The following TAF4B variants were observed in gnomAD, a reference collection of about 807,000 sequenced individuals.
TAF4B encodes TATA-box binding protein associated factor 4b.
TAF4B carries 38 observed loss-of-function variants against 86.4 expected under a neutral mutation model. The observed-to-expected ratio is 0.44, with a 90% CI of 0.34 to 0.58. The LOEUF (loss-of-function observed/expected upper bound fraction) is 0.58, where lower values mean the gene tolerates loss of function less well. Ranked by LOEUF, TAF4B falls within the 20% of genes least tolerant of loss-of-function variation. TAF4B has a pLI of 0.02. For missense variants in TAF4B, 988 were observed against 1,027.6 expected, an observed-to-expected ratio of 0.96 and a Z score of 0.53; for synonymous variants, 388 against 391.2, an observed-to-expected ratio of 0.99 and a Z score of 0.10.
intron 9 of TAF4B, among the ~76,000 whole-genome samples, chr18:26,306,215 A>G (rs1349140365): frequency 2.6e-5 from 4 of 152,002 alleles, no homozygotes; most frequent in Admixed American, 2.0e-4. Context: ...ATAGGCGTAT[A>G]TTTATGGGTT....
At chr18:26,353,337 C>A (rs1255638143) in intron 13 of TAF4B, among the ~76,000 whole-genome samples, 1 of 152,216 alleles carries the variant, frequency 6.6e-6, no homozygotes, top group Admixed American at 6.5e-5. Context: ...TATTAATAGT[C>A]TAAGAAACAC....
At chr18:26,324,767 C>G (rs1044160639) in intron 11 of TAF4B, among the ~76,000 whole-genome samples, 1 of 152,036 alleles carries the variant, frequency 6.6e-6, no homozygotes, top group East Asian at 1.9e-4. Context: ...TCTACATTTG[C>G]GTATATATAA....
At position 26,335,198 on chromosome 18, in the gene TAF4B, A is replaced by G; in HGVS notation, c.2283A>G (p.Pro761=). 3 of 1,613,484 alleles carry G rather than the reference A, an allele frequency of 1.9e-6. No homozygotes were observed. The highest frequency in any genetic ancestry group is 2.5e-6 in the Non-Finnish European group (3 of 1,179,580). The change falls in exon 13 of 15, where the codon CCA becomes CCG. Residue 761 remains proline (P), a synonymous_variant. Coordinates refer to ENST00000269142, the MANE Select transcript of TAF4B (RefSeq NM_005640.3). ...AGAGTCGTTCTAATAAAGAAGATCC[A>G]GAACAGCTGAGATTAAAGCAGAAAG... is the stretch of plus-strand genomic sequence containing the variant. ...AAKSRSNKED[P]EQLRLKQKAK... is the part of the protein sequence containing the mutation.
chr18:26,227,080 T>C lies in TAF4B; in HGVS notation c.147T>C (p.Pro49=), dbSNP rs60311681. The change falls in exon 1 of 15, where the codon CCT becomes CCC. Residue 49 remains proline (P), a synonymous_variant. Coordinates refer to ENST00000269142, the MANE Select transcript of TAF4B (RefSeq NM_005640.3). ...CCCTGGGCGCCGTGACTAAGGCTCCTGTCAGCGTCTGCGTGGAGCCCACGG... is the reference window on the plus strand; with the variant it reads ...CCCTGGGCGCCGTGACTAAGGCTCCCGTCAGCGTCTGCGTGGAGCCCACGG... The part of the protein sequence containing the change: ...PVALGAVTKA[P]VSVCVEPTAS... 2,031 of 1,606,964 alleles carry C rather than the reference T, an allele frequency of 1.3e-3. 24 individuals carry two copies. In the African/African-American group the frequency reaches 0.024, roughly 19 times the overall value.
Position 26,358,313 on chromosome 18 carries a change from T to A in TAF4B, c.2421+519T>A, listed in dbSNP as rs550898911. 3.9e-5 allele frequency among the ~76,000 whole-genome samples: 6 copies of A among 152,354 alleles called. No homozygotes were observed. The East Asian group carries it at 9.6e-4, about 24-fold the overall frequency. On this transcript the variant is annotated intron_variant, in intron 14 of 14. Transcript: ENST00000269142. ...AGCAAGGACTATAATAATAGTCTTT[T>A]GTATTCCCCCATAGAATAGGCACAT...
rs558513424 is a variant in TAF4B, at chr18:26,355,746, T to C, written c.2317-1944T>C. ...GCCATTTCTCTACAGGGAAGGACTTTAAAATATAGCTTGTTGTTTGATTTG... is the reference window on the plus strand; with the variant it reads ...GCCATTTCTCTACAGGGAAGGACTTCAAAATATAGCTTGTTGTTTGATTTG... On this transcript the variant is annotated intron_variant, in intron 13 of 14. Transcript: ENST00000269142. Among the ~76,000 whole-genome samples, 22 of 152,342 alleles carry C rather than the reference T, an allele frequency of 1.4e-4. No individual in the cohort carries two copies. The South Asian group carries it at 3.9e-3, about 27-fold the overall frequency.
In TAF4B at chr18:26,337,548, G is replaced by C. The variant is rs555649086; in HGVS notation, c.2316+2317G>C. Among the ~76,000 whole-genome samples, 3 of 150,378 alleles carry C rather than the reference G, an allele frequency of 2.0e-5. No individual in the cohort carries two copies. The South Asian group carries it at 6.4e-4, about 32-fold the overall frequency. On this transcript the variant is annotated intron_variant, in intron 13 of 14. Coordinates refer to ENST00000269142, the MANE Select transcript of TAF4B (RefSeq NM_005640.3). ...AGCGATTCTCCAGCCTCAGCCTCCCGAGTAGCTGGGATTACAGGCGCGTAC... is the reference window on the plus strand; with the variant it reads ...AGCGATTCTCCAGCCTCAGCCTCCCCAGTAGCTGGGATTACAGGCGCGTAC...
chr18:26,314,598 G>A lies in TAF4B; in HGVS notation c.1833-631G>A, dbSNP rs140376280. On this transcript the variant is annotated intron_variant, in intron 9 of 14. Transcript: ENST00000269142. ...TATAGATGGAGCACACCAAAAGTCT[G>A]AAACAGAAAAACAAAACTAGTTTTA... is the stretch of plus-strand genomic sequence containing the variant. 3.2e-3 allele frequency among the ~76,000 whole-genome samples: 490 copies of A among 152,220 alleles called. 3 individuals carry two copies. Among genetic ancestry groups the A allele is most frequent in the African/African-American group, 0.011 (477 of 41,556 alleles).
rs771074477 is a variant in TAF4B, at chr18:26,357,718, A to G, written c.2345A>G (p.Gln782Arg). The change falls in exon 14 of 15, where the codon CAG becomes CGG. Residue 782 changes from glutamine (Q) to arginine (R), a missense_variant. Physicochemically the swap from Gln to Arg is conservative, Grantham distance 43. Around this residue, in one of 3 missense-constraint regions of TAF4B, gnomAD observed 216 missense variants for 238.4 expected, o/e 0.91. Transcript: ENST00000269142. Reference sequence around the variant, plus strand: ...CAGCAATTGGAACTTGCACAGATACAGCATAGAGACGCTAATCTCACAGCT... The same window carrying G: ...CAGCAATTGGAACTTGCACAGATACGGCATAGAGACGCTAATCTCACAGCT... ...ELQQLELAQIQHRDANLTALA... is the reference protein window; with the variant it reads ...ELQQLELAQIRHRDANLTALA... 46 of 1,612,042 alleles carry G rather than the reference A, an allele frequency of 2.9e-5. No homozygotes were observed. The highest frequency in any genetic ancestry group is 3.8e-5 in the Non-Finnish European group (45 of 1,179,082).
chr18:26,239,221 T>G (rs541173844), intron 1 of TAF4B, among the ~76,000 whole-genome samples: 60 of 152,162 alleles, frequency 3.9e-4, no homozygotes, highest in East Asian at 3.7e-3. Flanking sequence ...GTAAAAGTGT[T>G]CCTATTTCTC....
chr18:26,259,150 C>G (rs1234901630), intron 1 of TAF4B, among the ~76,000 whole-genome samples: 2 of 150,618 alleles, frequency 1.3e-5, no homozygotes, highest in East Asian at 1.9e-4. Context: ...ATTTGGGAAG[C>G]TTTCAGCTGT....
At chr18:26,384,376 T>C (rs1028573023) in intron 14 of TAF4B, among the ~76,000 whole-genome samples, 4 of 152,224 alleles carry the variant, frequency 2.6e-5, no homozygotes, top group African/African-American at 9.6e-5. Context: ...TTGAAAAGCT[T>C]AGTTGATTCT....
intron 7 of TAF4B, among the ~76,000 whole-genome samples, 159 bp downstream of exon 7, chr18:26,286,658 C>G (rs1207501529): frequency 6.7e-6 from 1 of 149,280 alleles, no homozygotes; most frequent in Non-Finnish European, 1.5e-5. Flanking sequence ...TTGTTTTCCT[C>G]TTTCTACTCA....
At chr18:26,231,053 T>TTTTTTTTA (rs2055659745) in intron 1 of TAF4B, among the ~76,000 whole-genome samples, 1 of 143,784 alleles carries the variant, frequency 7.0e-6, no homozygotes, top group Non-Finnish European at 1.5e-5. Flanking sequence ...TTTTTTTTTT[T>TTTTTTTTA]TTTTTTGATG....
intron 1 of TAF4B, among the ~76,000 whole-genome samples, chr18:26,260,874 T>C (rs1037639393): frequency 3.3e-5 from 5 of 152,240 alleles, no homozygotes; most frequent in Non-Finnish European, 7.3e-5. Flanking sequence ...AACATACTTA[T>C]AATTGTTACT....
intron 2 of TAF4B, 69 bp downstream of exon 2, chr18:26,265,384 A>G: frequency 1.4e-6 from 2 of 1,452,714 alleles, no homozygotes; most frequent in Non-Finnish European, 1.8e-6. Context: ...AATGTTGTGT[A>G]TATGTTTGCT....
At chr18:26,246,596 C>T (rs544343420) in intron 1 of TAF4B, among the ~76,000 whole-genome samples, 201 of 151,288 alleles carry the variant, frequency 1.3e-3, no homozygotes, top group South Asian at 2.7e-3. Flanking sequence ...TGCAGTGGCG[C>T]GATCTCAGCT....
rs1308123365 is a variant in TAF4B at position 26,327,094 on chromosome 18, A to G, written c.2213A>G (p.Gln738Arg). 6.2e-7 allele frequency: 1 copy of G among 1,613,686 alleles called. No homozygotes were observed. Among genetic ancestry groups the G allele is most frequent in the East Asian group, 2.2e-5 (1 of 44,872 alleles). Residue 738 changes from glutamine to arginine, a missense_variant, in exon 12 of 15, where the codon CAG (glutamine) becomes CGG (arginine). By Grantham distance (43) the Gln-to-Arg change is conservative. Coordinates refer to ENST00000269142, the MANE Select transcript of TAF4B (RefSeq NM_005640.3). ...FLEKLDQLEK[Q>R]RKDLEEREML... is the part of the protein sequence containing the mutation. ...GAAAAGCTGGATCAATTGGAGAAGC[A>G]GAGAAAGGATTTGGAAGAAAGAGAA...
At chr18:26,277,274 C>T (rs931201822) in intron 5 of TAF4B, among the ~76,000 whole-genome samples, 4 of 152,012 alleles carry the variant, frequency 2.6e-5, no homozygotes, top group East Asian at 1.9e-4. Context: ...TTTGTAGAGA[C>T]AGGGTCTTGC....
Sources: gnomAD v4.1 joint callset for allele counts (sites outside exome capture counted in the v4.1 genomes callset) on GRCh38, gnomAD v4.1.1 for gene constraint, gnomAD v4.1.1 regional missense constraint, MANE v1.5 for transcripts, NCBI Gene and HGNC (gene_info 2026-07-23, HGNC 2026-07-21) for gene names.